Variants in FBXO5 observed in about 807,000 individuals in gnomAD.
FBXO5 encodes the protein F-box only protein 5.
FBXO5 carries 8 observed loss-of-function variants against 43.3 expected under a neutral mutation model. The ratio of observed to expected loss-of-function variants is 0.18; its 90% CI spans 0.11 to 0.33. The LOEUF (loss-of-function observed/expected upper bound fraction) is 0.33, where lower values mean the gene tolerates loss of function less well. FBXO5 is among the 10% of genes least tolerant of loss of function. The pLI is 1.00. For synonymous variants in FBXO5, 204 were observed against 193.7 expected, an observed-to-expected ratio of 1.05 and a Z score of -0.44; for missense variants, 491 against 535.7, an observed-to-expected ratio of 0.92 and a Z score of 0.82.
intron 1 of FBXO5, among the ~76,000 whole-genome samples, chr6:152,981,658 AAG>A (rs1778260398): frequency 2.7e-5 from 4 of 150,692 alleles, no homozygotes; most frequent in Admixed American, 2.6e-4. Context: ...GTTATCAAAA[AAG>A]AAAAAAAAAA....
At chr6:152,972,921 C>T (rs1347792904) in intron 3 of FBXO5, 125 bp downstream of exon 3, 1 of 544,882 alleles carries the variant, frequency 1.8e-6, no homozygotes, top group Non-Finnish European at 3.1e-6. Flanking sequence ...TTCTAAGTTC[C>T]AGTATAAGGC....
At position 152,981,672 on chromosome 6, in the gene FBXO5, A is replaced by C. The variant is rs1020939039; in HGVS notation, c.103+1185T>G. Among the ~76,000 whole-genome samples the C allele has an allele frequency of 5.3e-5, 8 of 150,892 alleles. No individual in the cohort carries two copies. In the East Asian group the frequency reaches 1.4e-3, roughly 26 times the overall value. Reference sequence around the variant, plus strand: ...AGTTATCAAAAAAGAAAAAAAAAAAACCCTCATAAGGCCATCAAGCTTCAG... The same window carrying C: ...AGTTATCAAAAAAGAAAAAAAAAAACCCCTCATAAGGCCATCAAGCTTCAG... On this transcript the variant is annotated intron_variant, in intron 1 of 4. Transcript: ENST00000229758.
chr6:152,977,460 C>G (rs1778186016), intron 1 of FBXO5, among the ~76,000 whole-genome samples: 2 of 152,106 alleles, frequency 1.3e-5, no homozygotes, highest in South Asian at 2.1e-4. Context: ...CTTGTAAATT[C>G]CCAATGTTAA....
chr6:152,972,117 TAA>T (rs1169254763), intron 4 of FBXO5, among the ~76,000 whole-genome samples, 153 bp downstream of exon 4: 20 of 152,286 alleles, frequency 1.3e-4, no homozygotes, highest in African/African-American at 4.6e-4. Flanking sequence ...ATACTATAAT[TAA>T]ATTTAAATGA....
Position 152,971,302 on chromosome 6 carries a change from C to T in FBXO5, c.1205G>A (p.Gly402Glu). Reference sequence around the variant, plus strand: ...GAGACACTTCGTACAATAATCAAATCCACAGCCTTCTCGTTTGCAGGTTGC... The same window carrying T: ...GAGACACTTCGTACAATAATCAAATTCACAGCCTTCTCGTTTGCAGGTTGC... ...QRATCKREGC[G>E]FDYCTKCLCN... Residue 402 changes from glycine (G) to glutamate (E), a missense_variant, in exon 5 of 5, where the codon GGA becomes GAA. Coordinates refer to ENST00000229758, the MANE Select transcript of FBXO5 (RefSeq NM_012177.5). The T allele has an allele frequency of 6.2e-7, 1 of 1,614,016 alleles. No individual in the cohort carries two copies. Among genetic ancestry groups the T allele is most frequent in the South Asian group, 1.1e-5 (1 of 91,074 alleles).
chr6:152,980,429 A>G (rs1191378783), intron 1 of FBXO5, among the ~76,000 whole-genome samples: 2 of 152,192 alleles, frequency 1.3e-5, no homozygotes, highest in African/African-American at 4.8e-5. Flanking sequence ...AGGAAGAGAA[A>G]TATCTGTAGG....
chr6:152,983,096 C>A, upstream of FBXO5: 3 of 487,936 alleles, frequency 6.1e-6, no homozygotes, highest in Middle Eastern at 3.5e-4. Context: ...GTGCCTAAAT[C>A]CGCGCGGTCC....
At chr6:152,982,827 G>A in intron 1 of FBXO5, 30 bp downstream of exon 1, 9 of 1,435,074 alleles carry the variant, frequency 6.3e-6, no homozygotes, top group Non-Finnish European at 8.3e-6. Context: ...TGGCGTGCGC[G>A]CCCCCCTCGC....
At chr6:152,977,492 T>C (rs915790243) in intron 1 of FBXO5, among the ~76,000 whole-genome samples, 19 of 152,326 alleles carry the variant, frequency 1.2e-4, no homozygotes, top group Non-Finnish European at 1.6e-4. Flanking sequence ...ACACATAGTA[T>C]GTGCTCCAGG....
chr6:152,971,085 A>G lies in FBXO5; in HGVS notation c.*78T>C. 7.1e-7 allele frequency: 1 copy of G among 1,416,166 alleles called. No homozygotes were observed. The highest frequency in any genetic ancestry group is 2.3e-5 in the East Asian group (1 of 42,936). 87.7% of individuals were successfully genotyped at this position (1,416,166 alleles called of 1,614,324 possible). A position where few individuals can be genotyped will look rare whatever the true frequency, so the allele number is the denominator to read the frequency against. ...ATTTCAACATAAAATTGAAAATCACAATACAATTTTTTTTAAGTTAAAACC... is the reference window on the plus strand; with the variant it reads ...ATTTCAACATAAAATTGAAAATCACGATACAATTTTTTTTAAGTTAAAACC... On this transcript the variant is annotated 3_prime_UTR_variant, in exon 5 of 5. Transcript: ENST00000229758.
At chr6:152,982,123 A>C (rs1325867571) in intron 1 of FBXO5, among the ~76,000 whole-genome samples, 1 of 152,148 alleles carries the variant, frequency 6.6e-6, no homozygotes. Flanking sequence ...TTAACGGGCA[A>C]AGGGAGAAAA....
chr6:152,971,089 C>T lies in FBXO5; in HGVS notation c.*74G>A, dbSNP rs1430084867. 1.1e-5 allele frequency: 16 copies of T among 1,414,060 alleles called. No homozygotes were observed. The highest frequency in any genetic ancestry group is 4.6e-5 in the African/African-American group (3 of 65,376). The allele number at this position is 1,414,060 out of a possible 1,614,324, so 87.6% of individuals were successfully genotyped here. A position where few individuals can be genotyped will look rare whatever the true frequency, so the allele number is the denominator to read the frequency against. On this transcript the variant is annotated 3_prime_UTR_variant, in exon 5 of 5. Coordinates refer to ENST00000229758, the MANE Select transcript of FBXO5 (RefSeq NM_012177.5). Reference sequence around the variant, plus strand: ...CAACATAAAATTGAAAATCACAATACAATTTTTTTTAAGTTAAAACCTAAC... The same window carrying T: ...CAACATAAAATTGAAAATCACAATATAATTTTTTTTAAGTTAAAACCTAAC...
chr6:152,971,086 A>C lies in FBXO5; in HGVS notation c.*77T>G. On this transcript the variant is annotated 3_prime_UTR_variant, in exon 5 of 5. Coordinates refer to ENST00000229758, the MANE Select transcript of FBXO5 (RefSeq NM_012177.5). ...TTTCAACATAAAATTGAAAATCACAATACAATTTTTTTTAAGTTAAAACCT... is the reference window on the plus strand; with the variant it reads ...TTTCAACATAAAATTGAAAATCACACTACAATTTTTTTTAAGTTAAAACCT... The C allele has an allele frequency of 7.0e-7, 1 of 1,423,570 alleles. No individual in the cohort carries two copies. The highest frequency in any genetic ancestry group is 9.4e-7 in the Non-Finnish European group (1 of 1,065,450). 88.2% of individuals were successfully genotyped at this position (1,423,570 alleles called of 1,614,324 possible).
At chr6:152,975,671 T>G (rs754948491) in intron 1 of FBXO5, 50 bp from the exon 2 acceptor site, 1 of 1,176,146 alleles carries the variant, frequency 8.5e-7, no homozygotes, top group Admixed American at 2.3e-5. Flanking sequence ...TTTCCACACA[T>G]CCCTACTTCT....
rs1428034222 is a variant in FBXO5 at position 152,975,246 on chromosome 6, T to C, written c.479A>G (p.Glu160Gly). Reference protein sequence around the residue: ...FSLQSGLSEHEEGSLLEENFG... With the variant: ...FSLQSGLSEHGEGSLLEENFG... ...ATTCTCCTCCAGGAGGCTACCTTCT[T>C]CATGTTCACTGAGGCCACTTTGTAG... Residue 160 changes from glutamate to glycine, a missense_variant, in exon 2 of 5, where the codon GAA becomes GGA. Physicochemically the swap from Glu to Gly is moderately conservative, Grantham distance 98 (BLOSUM62 -2). Transcript: ENST00000229758. 4 of 1,614,144 alleles carry C rather than the reference T, an allele frequency of 2.5e-6. No individual in the cohort carries two copies. Among genetic ancestry groups the C allele is most frequent in the Non-Finnish European group, 2.5e-6 (3 of 1,180,010 alleles).
At chr6:152,976,696 GA>G (rs1778173848) in intron 1 of FBXO5, among the ~76,000 whole-genome samples, 1 of 152,096 alleles carries the variant, frequency 6.6e-6, no homozygotes. Flanking sequence ...ATGATAAATA[GA>G]AAAAAGGGAA....
In FBXO5 at chr6:152,971,428, A is replaced by G; in HGVS notation, c.1093-14T>C. The G allele has an allele frequency of 6.3e-7, 1 of 1,577,134 alleles. No individual in the cohort carries two copies. The highest frequency in any genetic ancestry group is 8.6e-7 in the Non-Finnish European group (1 of 1,168,308). On this transcript the variant is annotated splice_polypyrimidine_tract_variant and intron_variant, in intron 4 of 4. Coordinates refer to ENST00000229758, the MANE Select transcript of FBXO5 (RefSeq NM_012177.5). ...TGTCTTGGCAACCTAAAAAGAAAAA[A>G]AAAACCCATTAACAAATTTCAGCAA...
At chr6:152,972,213 T>C in intron 4 of FBXO5, 59 bp downstream of exon 4, 4 of 1,326,006 alleles carry the variant, frequency 3.0e-6, no homozygotes, top group Non-Finnish European at 4.2e-6. Context: ...GAAAGTTCTT[T>C]TACATTTCTT....
In FBXO5 at chr6:152,975,594, G is replaced by A. The variant is rs1276603040; in HGVS notation, c.131C>T (p.Ser44Phe). 7 of 1,604,310 alleles carry A rather than the reference G, an allele frequency of 4.4e-6. No individual in the cohort carries two copies. The Admixed American group carries it at 1.0e-4, about 24-fold the overall frequency. Residue 44 changes from serine to phenylalanine, a missense_variant, in exon 2 of 5, where the codon TCT becomes TTT. By Grantham distance (155) the Ser-to-Phe change is radical. Transcript: ENST00000229758. ...ATTAAAATCACACTTCATTTTGACA[G>A]AAAGGGTAGAACTTTCTTCTTTACA... ...DSCKEESSTL[S>F]VKMKCDFNCN...
Sources: allele counts gnomAD v4.1 joint callset (sites outside exome capture counted in the v4.1 genomes callset), GRCh38; gene constraint gnomAD v4.1.1; transcripts MANE v1.5; gene names NCBI Gene and HGNC (gene_info 2026-07-23, HGNC 2026-07-21).